FNBP4: variants seen among roughly 807,000 people sequenced by gnomAD.
The protein encoded by FNBP4 is formin binding protein 4, also known as formin-binding protein 4.
FNBP4 carries 34 observed loss-of-function variants against 119.3 expected under a neutral mutation model. The ratio of observed to expected loss-of-function variants is 0.28; its 90% CI spans 0.22 to 0.38. The LOEUF is 0.38. Among genes scored for constraint, FNBP4 ranks in the 10% least tolerant of loss-of-function variants. The pLI is 1.00. For synonymous variants in FNBP4, 462 were observed against 430.6 expected, an observed-to-expected ratio of 1.07 and a Z score of -0.90; for missense variants, 1,112 against 1,228.9, an observed-to-expected ratio of 0.90 and a Z score of 1.42.
In FNBP4 at chr11:47,724,076, T is replaced by A. The variant is rs1200371105; in HGVS notation, c.2416A>T (p.Thr806Ser). 6 of 1,614,100 alleles carry A rather than the reference T, an allele frequency of 3.7e-6. No homozygotes were observed. Among genetic ancestry groups the A allele is most frequent in the Non-Finnish European group, 5.1e-6 (6 of 1,180,036 alleles). ...ISTAVVQRSA[T>S]IGSSPVLYSQ... ...TAGAGAACTGGAGAACTGCCAATGG[T>A]AGCTGACCTCTGAACCACTGCAGTG... Residue 806 changes from threonine (T) to serine (S), a missense_variant, in exon 14 of 17, where the codon ACC becomes TCC. This residue lies in a region of FNBP4 where 826 missense variants were observed against 988.8 expected (regional missense o/e 0.84). Coordinates refer to ENST00000263773, the MANE Select transcript of FNBP4 (RefSeq NM_015308.5).
chr11:47,762,263 C>A (rs1439110051), intron 2 of FNBP4, among the ~76,000 whole-genome samples: 1 of 151,958 alleles, frequency 6.6e-6, no homozygotes, highest in Non-Finnish European at 1.5e-5. Context: ...TCACGAGTAG[C>A]TGGGACTACA....
chr11:47,727,310 C>T (rs552764191), intron 12 of FNBP4, among the ~76,000 whole-genome samples: 10 of 147,526 alleles, frequency 6.8e-5, no homozygotes, highest in Non-Finnish European at 1.0e-4. Context: ...AGTGCAGTGA[C>T]GCAATCTTGG....
At chr11:47,733,436 A>C (rs1235233558) in intron 10 of FNBP4, among the ~76,000 whole-genome samples, 1 of 152,012 alleles carries the variant, frequency 6.6e-6, no homozygotes, top group East Asian at 1.9e-4. Context: ...CCTGGGTTCA[A>C]GCGATTCTCC....
intron 2 of FNBP4, among the ~76,000 whole-genome samples, chr11:47,760,777 T>G (rs2097632435): frequency 1.3e-5 from 2 of 152,118 alleles, no homozygotes; most frequent in Non-Finnish European, 2.9e-5. Flanking sequence ...GTTGCCAGGC[T>G]GGTCTCGAAC....
At position 47,748,965 on chromosome 11, in the gene FNBP4, G is replaced by C. The variant is rs557695806; in HGVS notation, c.906+1951C>G. 6.6e-5 allele frequency among the ~76,000 whole-genome samples: 10 copies of C among 152,098 alleles called. No homozygotes were observed. In the South Asian group the frequency reaches 2.1e-3, roughly 32 times the overall value. On this transcript the variant is annotated intron_variant, in intron 6 of 16. Transcript: ENST00000263773. ...CCAAGCTCAATTATATTATTTTAAAGTATTTTTTTTGGGCTACATGCAGTA... is the reference window on the plus strand; with the variant it reads ...CCAAGCTCAATTATATTATTTTAAACTATTTTTTTTGGGCTACATGCAGTA...
intron 4 of FNBP4, among the ~76,000 whole-genome samples, chr11:47,751,519 CAAT>C (rs971580008): frequency 2.0e-5 from 3 of 151,888 alleles, no homozygotes; most frequent in African/African-American, 7.3e-5. Context: ...TACATTGTGA[CAAT>C]AAAAAATATT....
At chr11:47,730,945 T>C (rs2097566657) in intron 12 of FNBP4, among the ~76,000 whole-genome samples, 1 of 152,186 alleles carries the variant, frequency 6.6e-6, no homozygotes, top group African/African-American at 2.4e-5. Flanking sequence ...CCACGCTTTT[T>C]GTAAGATTAG....
intron 3 of FNBP4, 77 bp downstream of exon 3, chr11:47,754,451 C>T (rs772316579): frequency 6.9e-7 from 1 of 1,448,180 alleles, no homozygotes; most frequent in Non-Finnish European, 9.5e-7. Flanking sequence ...ATTGAACTGA[C>T]AAGTACGCTG....
intron 1 of FNBP4, 46 bp downstream of exon 1, chr11:47,767,023 G>C (rs2097649095): frequency 6.6e-7 from 1 of 1,507,994 alleles, no homozygotes; most frequent in African/African-American, 1.4e-5. Context: ...AGGAGCCTAG[G>C]CCGCAAGCCC....
intron 15 of FNBP4, among the ~76,000 whole-genome samples, 166 bp downstream of exon 15, chr11:47,722,810 C>T (rs2097557310): frequency 6.6e-6 from 1 of 151,998 alleles, no homozygotes; most frequent in East Asian, 1.9e-4. Context: ...AGGCTGGTCT[C>T]GAACTCCTGA....
Position 47,744,050 on chromosome 11 carries a change from TCTTTTA to T in FNBP4, c.1353_1358del (p.Lys452_Arg453del), listed in dbSNP as rs2097585967. On this transcript the variant is annotated inframe_deletion, in exon 8 of 17. Coordinates refer to ENST00000263773, the MANE Select transcript of FNBP4 (RefSeq NM_015308.5). ...CTCGAACAAACATCTTCCATTTTCC[TCTTTTA>T]GACATAAGCCTACGCATTCCATCTT... 6.2e-7 allele frequency: 1 copy of T among 1,614,036 alleles called. No homozygotes were observed.
intron 6 of FNBP4, 77 bp from the exon 7 acceptor site, chr11:47,746,471 CATTCAT>C (rs1437977687): frequency 1.1e-5 from 14 of 1,219,188 alleles, no homozygotes; most frequent in Non-Finnish European, 1.4e-5. Flanking sequence ...ATTGCACACA[CATTCAT>C]ATTAACTGTT....
At chr11:47,737,404 A>C (rs2097575734) in intron 8 of FNBP4, among the ~76,000 whole-genome samples, 1 of 152,126 alleles carries the variant, frequency 6.6e-6, no homozygotes, top group Non-Finnish European at 1.5e-5. Flanking sequence ...TTCTTTAACA[A>C]GTTGCAGGGG....
rs2097589563 is a variant in FNBP4, at chr11:47,746,039, A to G, written c.1245+17T>C. The stretch of plus-strand genomic sequence containing the variant: ...ACTGAGGAAAAAACATTCTACAAGT[A>G]ACTTTCAAAAGCTTACTTTTTTCCT... On this transcript the variant is annotated intron_variant, in intron 7 of 16. Coordinates refer to ENST00000263773, the MANE Select transcript of FNBP4 (RefSeq NM_015308.5). 1 of 1,574,768 alleles carries G rather than the reference A, an allele frequency of 6.4e-7. No homozygotes were observed. Among genetic ancestry groups the G allele is most frequent in the Non-Finnish European group, 8.6e-7 (1 of 1,163,902 alleles).
At chr11:47,754,499 C>A in intron 3 of FNBP4, 29 bp downstream of exon 3, 1 of 1,608,078 alleles carries the variant, frequency 6.2e-7, no homozygotes, top group South Asian at 1.1e-5. Context: ...GCTTCAGTAA[C>A]TAAAACTCCA....
chr11:47,740,273 C>T (rs1240881102), intron 8 of FNBP4, among the ~76,000 whole-genome samples: 4 of 151,618 alleles, frequency 2.6e-5, no homozygotes, highest in Admixed American at 1.3e-4. Context: ...AAATTAGCTG[C>T]GCAAGGTGGC....
At chr11:47,763,623 C>T (rs1259390426) in intron 2 of FNBP4, among the ~76,000 whole-genome samples, 3 of 151,930 alleles carry the variant, frequency 2.0e-5, no homozygotes, top group Non-Finnish European at 2.9e-5. Context: ...GCCTCAGCCT[C>T]CCGAGTAGCT....
chr11:47,730,559 ACT>A (rs1002964887), intron 12 of FNBP4, among the ~76,000 whole-genome samples: 4 of 152,170 alleles, frequency 2.6e-5, no homozygotes, highest in Non-Finnish European at 5.9e-5. Context: ...TCAGCTCTTA[ACT>A]CTGTTATTGA....
At chr11:47,739,657 G>A (rs1408339112) in intron 8 of FNBP4, among the ~76,000 whole-genome samples, 1 of 152,190 alleles carries the variant, frequency 6.6e-6, no homozygotes, top group East Asian at 1.9e-4. Context: ...CAGTGAGGTG[G>A]CACAAGCCTA....
Sources: allele counts gnomAD v4.1 joint callset (sites outside exome capture counted in the v4.1 genomes callset), GRCh38; gene constraint gnomAD v4.1.1; regional missense constraint gnomAD v4.1.1; transcripts MANE v1.5; gene names NCBI Gene and HGNC (gene_info 2026-07-23, HGNC 2026-07-21).